LSM11: variants seen among roughly 807,000 people sequenced by gnomAD.
The protein encoded by LSM11 is LSM11, U7 small nuclear RNA associated, also known as U7 snRNA-associated Sm-like protein LSm11.
A neutral mutation model predicts 28.1 loss-of-function variants in LSM11; 14 were observed. The observed-to-expected ratio is 0.50, with a 90% confidence interval of 0.33 to 0.78. The LOEUF is 0.78. Ranked by LOEUF, LSM11 falls within the 30% of genes least tolerant of loss-of-function variation. LSM11 has a pLI of 0.02. For missense variants in LSM11, 495 were observed against 510.6 expected, an observed-to-expected ratio of 0.97 and a Z score of 0.30; for synonymous variants, 207 against 214.2, an observed-to-expected ratio of 0.97 and a Z score of 0.30.
rs370770095 is a variant in LSM11, at chr5:157,755,176, A to G, written c.995A>G (p.Lys332Arg). ...TCCCGTAAGAAAAAGCGAAAGCCCA[A>G]AGTGGATTACCAGCAGGTATTCACT... The part of the protein sequence containing the change: ...GQSRKKKRKP[K>R]VDYQQVFTRH... The change falls in exon 4 of 4, where the codon AAA (lysine) becomes AGA (arginine). Residue 332 changes from lysine (K) to arginine (R), a missense_variant. Transcript: ENST00000286307. 5.0e-6 allele frequency: 8 copies of G among 1,614,238 alleles called. No homozygotes were observed. The highest frequency in any genetic ancestry group is 6.8e-6 in the Non-Finnish European group (8 of 1,180,052).
rs1212691128 is a variant in LSM11 at position 157,744,055 on chromosome 5, C to G, written c.305C>G (p.Ala102Gly). The change falls in exon 1 of 4, where the codon GCG becomes GGG. Residue 102 changes from alanine to glycine, a missense_variant. Coordinates refer to ENST00000286307, the MANE Select transcript of LSM11 (RefSeq NM_173491.4). ...PSGRTRRRPD[A>G]PAPDPERIQR... The stretch of plus-strand genomic sequence containing the variant: ...GGCAGGACTCGTCGCCGCCCGGACG[C>G]GCCCGCCCCGGACCCCGAGCGCATC... 51 of 1,451,868 alleles carry G rather than the reference C, an allele frequency of 3.5e-5. No individual in the cohort carries two copies. The highest frequency in any genetic ancestry group is 3.9e-5 in the Non-Finnish European group (43 of 1,103,798). The allele number at this position is 1,451,868 out of a possible 1,614,324, so 89.9% of individuals were successfully genotyped here. A position where few individuals can be genotyped will look rare whatever the true frequency, so the allele number is the denominator to read the frequency against.
intron 3 of LSM11, 123 bp downstream of exon 3, chr5:157,754,210 G>C (rs1224973972): frequency 1.8e-6 from 1 of 559,820 alleles, no homozygotes; most frequent in Admixed American, 3.9e-5. Flanking sequence ...AACCAGCTGT[G>C]CCTGTACCAA....
chr5:157,749,064 A>G (rs897421828), intron 1 of LSM11, among the ~76,000 whole-genome samples: 16 of 152,232 alleles, frequency 1.1e-4, no homozygotes, highest in African/African-American at 3.9e-4. Context: ...ACACAAGGAT[A>G]CAAGGAGAGC....
Position 157,760,395 on chromosome 5 carries a change from T to C in LSM11, c.*5131T>C, listed in dbSNP as rs1238073104. The C allele has an allele frequency of 1.3e-5, 2 of 152,270 alleles. No homozygotes were observed. Among genetic ancestry groups the C allele is most frequent in the Non-Finnish European group, 2.9e-5 (2 of 68,058 alleles). 9.4% of individuals were successfully genotyped at this position (152,270 alleles called of 1,614,324 possible). Reference sequence around the variant, plus strand: ...TCTTGAAAGTGATTTGCTTGTTTCATACTGACATCTAAAGACATCAGCCTT... The same window carrying C: ...TCTTGAAAGTGATTTGCTTGTTTCACACTGACATCTAAAGACATCAGCCTT... On this transcript the variant is annotated 3_prime_UTR_variant, in exon 4 of 4. Coordinates refer to ENST00000286307, the MANE Select transcript of LSM11 (RefSeq NM_173491.4).
chr5:157,747,101 G>C (rs1271132272), intron 1 of LSM11, among the ~76,000 whole-genome samples: 3 of 152,108 alleles, frequency 2.0e-5, no homozygotes, highest in African/African-American at 7.2e-5. Flanking sequence ...ATATTGACAT[G>C]CCTATAGAGA....
rs750974916 is a variant in LSM11 at position 157,754,075 on chromosome 5, G to A, written c.660G>A (p.Leu220=). Residue 220 remains leucine, a synonymous_variant, in exon 3 of 4, where the codon CTG becomes CTA. Transcript: ENST00000286307. ...AAGCATATGAACGGGATTCTTCACT[G>A]ACTCTCACTAGGGTAGGCAGTTTTC... is the stretch of plus-strand genomic sequence containing the variant. ...LGKAYERDSS[L]TLTRLFDRLK... 4.3e-5 allele frequency: 67 copies of A among 1,574,308 alleles called. No individual in the cohort carries two copies. Among genetic ancestry groups the A allele is most frequent in the Non-Finnish European group, 5.3e-5 (62 of 1,161,300 alleles).
intron 1 of LSM11, among the ~76,000 whole-genome samples, chr5:157,746,058 C>G (rs1761141616): frequency 6.6e-6 from 1 of 152,072 alleles, no homozygotes; most frequent in African/African-American, 2.4e-5. Flanking sequence ...CGTGTACCTC[C>G]TGATCCAAAA....
rs1761305257 is a variant in LSM11, at chr5:157,755,188, A to G, written c.1007A>G (p.Gln336Arg). The G allele has an allele frequency of 6.2e-7, 1 of 1,614,120 alleles. No homozygotes were observed. Among genetic ancestry groups the G allele is most frequent in the Non-Finnish European group, 8.5e-7 (1 of 1,180,036 alleles). ...KKKRKPKVDY[Q>R]QVFTRHINQI... ...AAGCGAAAGCCCAAAGTGGATTACC[A>G]GCAGGTATTCACTCGACACATAAAT... is the stretch of plus-strand genomic sequence containing the variant. Residue 336 changes from glutamine to arginine, a missense_variant, in exon 4 of 4, where the codon CAG (glutamine) becomes CGG (arginine). Physicochemically the swap from Gln to Arg is conservative, Grantham distance 43 (BLOSUM62 1). Coordinates refer to ENST00000286307, the MANE Select transcript of LSM11 (RefSeq NM_173491.4).
chr5:157,751,548 A>AG lies in LSM11; in HGVS notation c.588+23dup. The AG allele has an allele frequency of 6.2e-7, 1 of 1,608,708 alleles. No individual in the cohort carries two copies. Among genetic ancestry groups the AG allele is most frequent in the South Asian group, 1.1e-5 (1 of 89,984 alleles). The stretch of plus-strand genomic sequence containing the variant: ...GAATATGGTAATTAAGCCTTTCTCA[A>AG]GGGGCTGGAGAACCTCCTACAGATT... On this transcript the variant is annotated intron_variant, in intron 2 of 3. Transcript: ENST00000286307.
At chr5:157,750,550 T>C (rs1284850855) in intron 1 of LSM11, among the ~76,000 whole-genome samples, 1 of 152,206 alleles carries the variant, frequency 6.6e-6, no homozygotes, top group Non-Finnish European at 1.5e-5. Context: ...GAAACACCAG[T>C]GAGTCCAGAA....
rs1272456575 is a variant in LSM11, at chr5:157,756,585, T to C, written c.*1321T>C. ...TTTGTTGTGTAACATAAATAAGCCT[T>C]CTGAGAAGCAGGGTGAATAAAGTTT... On this transcript the variant is annotated 3_prime_UTR_variant, in exon 4 of 4. Transcript: ENST00000286307. 6.6e-6 allele frequency: 1 copy of C among 152,586 alleles called. No homozygotes were observed. Among genetic ancestry groups the C allele is most frequent in the Non-Finnish European group, 1.5e-5 (1 of 68,036 alleles). The allele number at this position is 152,586 out of a possible 1,614,324, so 9.5% of individuals were successfully genotyped here.
Position 157,744,056 on chromosome 5 carries a change from G to C in LSM11, c.306G>C (p.Ala102=). The C allele has an allele frequency of 6.9e-7, 1 of 1,452,436 alleles. No individual in the cohort carries two copies. Among genetic ancestry groups the C allele is most frequent in the Non-Finnish European group, 9.1e-7 (1 of 1,103,968 alleles). 90.0% of individuals were successfully genotyped at this position (1,452,436 alleles called of 1,614,324 possible). A position where few individuals can be genotyped will look rare whatever the true frequency, so the allele number is the denominator to read the frequency against. ...PSGRTRRRPD[A]PAPDPERIQR... ...GCAGGACTCGTCGCCGCCCGGACGC[G>C]CCCGCCCCGGACCCCGAGCGCATCC... is the stretch of plus-strand genomic sequence containing the variant. The change falls in exon 1 of 4, where the codon GCG becomes GCC. Residue 102 remains alanine (A), a synonymous_variant. Coordinates refer to ENST00000286307, the MANE Select transcript of LSM11 (RefSeq NM_173491.4).
chr5:157,744,033 A>G lies in LSM11; in HGVS notation c.283A>G (p.Arg95Gly). 1.4e-6 allele frequency: 2 copies of G among 1,409,432 alleles called. No homozygotes were observed. Among genetic ancestry groups the G allele is most frequent in the Non-Finnish European group, 1.9e-6 (2 of 1,079,418 alleles). The allele number at this position is 1,409,432 out of a possible 1,614,324, so 87.3% of individuals were successfully genotyped here. ...GVPAAPGPSG[R>G]TRRRPDAPAP... Reference sequence around the variant, plus strand: ...TCCCGCCGCACCCGGGCCCTCGGGCAGGACTCGTCGCCGCCCGGACGCGCC... The same window carrying G: ...TCCCGCCGCACCCGGGCCCTCGGGCGGGACTCGTCGCCGCCCGGACGCGCC... Residue 95 changes from arginine (R) to glycine (G), a missense_variant, in exon 1 of 4, where the codon AGG becomes GGG. Physicochemically the swap from Arg to Gly is moderately radical, Grantham distance 125. Transcript: ENST00000286307.
Position 157,755,302 on chromosome 5 carries a change from G to A in LSM11, c.*38G>A, listed in dbSNP as rs978312434. ...GAGCTTTGGTTTTTAGAAATAAAGT[G>A]CATGAATTGCTGCTATGCTGTATCC... is the stretch of plus-strand genomic sequence containing the variant. On this transcript the variant is annotated 3_prime_UTR_variant, in exon 4 of 4. Coordinates refer to ENST00000286307, the MANE Select transcript of LSM11 (RefSeq NM_173491.4). The A allele has an allele frequency of 1.3e-6, 2 of 1,582,834 alleles. No homozygotes were observed. Among genetic ancestry groups the A allele is most frequent in the Middle Eastern group, 1.9e-4 (1 of 5,222 alleles).
intron 1 of LSM11, among the ~76,000 whole-genome samples, chr5:157,749,863 A>G (rs910381183): frequency 1.3e-5 from 2 of 152,220 alleles, no homozygotes; most frequent in Non-Finnish European, 2.9e-5. Flanking sequence ...AATCCATGAC[A>G]GAGGGATAAG....
In LSM11 at chr5:157,757,265, T is replaced by G. The variant is rs2113081399; in HGVS notation, c.*2001T>G. 1 of 152,266 alleles carries G rather than the reference T, an allele frequency of 6.6e-6. No homozygotes were observed. The highest frequency in any genetic ancestry group is 2.4e-5 in the African/African-American group (1 of 41,566). 9.4% of individuals were successfully genotyped at this position (152,266 alleles called of 1,614,324 possible). A position where few individuals can be genotyped will look rare whatever the true frequency, so the allele number is the denominator to read the frequency against. On this transcript the variant is annotated 3_prime_UTR_variant, in exon 4 of 4. Coordinates refer to ENST00000286307, the MANE Select transcript of LSM11 (RefSeq NM_173491.4). ...GCAGTATCTTCTGGAACTTCCATAT[T>G]CCATTCCTTCCTCCTAAGGGACAAT...
intron 1 of LSM11, 36 bp downstream of exon 1, chr5:157,744,234 G>GT: frequency 4.0e-6 from 5 of 1,243,462 alleles, no homozygotes; most frequent in Non-Finnish European, 4.0e-6. Flanking sequence ...CGGGGCAGCC[G>GT]CCGTCCGGAA....
chr5:157,746,908 CA>C (rs775268886), intron 1 of LSM11, among the ~76,000 whole-genome samples: 3 of 150,580 alleles, frequency 2.0e-5, no homozygotes, highest in African/African-American at 7.3e-5. Context: ...TACGAGGTCT[CA>C]AAAAAAAGTA....
rs1254316022 is a variant in LSM11 at position 157,755,835 on chromosome 5, A to G, written c.*571A>G. 7.5e-6 allele frequency: 3 copies of G among 399,918 alleles called. No individual in the cohort carries two copies. The highest frequency in any genetic ancestry group is 2.1e-5 in the African/African-American group (1 of 48,542). 24.8% of individuals were successfully genotyped at this position (399,918 alleles called of 1,614,324 possible). A position where few individuals can be genotyped will look rare whatever the true frequency, so the allele number is the denominator to read the frequency against. On this transcript the variant is annotated 3_prime_UTR_variant, in exon 4 of 4. Transcript: ENST00000286307. ...CAACTTATGTAGGGGTGAAATTTGGATAGGCGGTATGCTCAAAGCAGCCAG... is the reference window on the plus strand; with the variant it reads ...CAACTTATGTAGGGGTGAAATTTGGGTAGGCGGTATGCTCAAAGCAGCCAG...
Sources: gnomAD v4.1 joint callset for allele counts (sites outside exome capture counted in the v4.1 genomes callset) on GRCh38, gnomAD v4.1.1 for gene constraint, MANE v1.5 for transcripts, NCBI Gene and HGNC (gene_info 2026-07-23, HGNC 2026-07-21) for gene names.